CDH18: variants seen among roughly 807,000 people sequenced by gnomAD.
The protein encoded by CDH18 is cadherin-18.
In CDH18, 31 loss-of-function variants were observed where a neutral mutation model predicts 67.9. That is an observed-to-expected ratio of 0.46 (90% CI 0.34 to 0.62). The LOEUF (loss-of-function observed/expected upper bound fraction) is 0.62. Ranked by LOEUF, CDH18 falls within the 20% of genes least tolerant of loss-of-function variation. The probability of loss-of-function intolerance (pLI) is 0.01; values close to 1 mark genes in which losing one functional copy is unlikely to be tolerated. For synonymous variants in CDH18, 362 were observed against 347.2 expected (o/e 1.04, Z -0.48); for missense variants, 890 against 975.5 (o/e 0.91, Z 1.17).
chr5:19,649,790 T>C (rs1315466357), intron 5 of CDH18, among the ~76,000 whole-genome samples: 1 of 152,008 alleles, frequency 6.6e-6, no homozygotes, highest in Non-Finnish European at 1.5e-5. Context: ...TACCTTTTTT[T>C]TCCTAAAACT....
chr5:20,147,325 C>T (rs972789264), intron 2 of CDH18, among the ~76,000 whole-genome samples: 2 of 152,048 alleles, frequency 1.3e-5, no homozygotes, highest in African/African-American at 4.8e-5. Context: ...AATGTTTACA[C>T]CAAGGCTTTG....
At chr5:20,438,278 G>T (rs773735840) in intron 1 of CDH18, among the ~76,000 whole-genome samples, 2 of 150,530 alleles carry the variant, frequency 1.3e-5, no homozygotes, top group South Asian at 4.2e-4. Flanking sequence ...TCCTATTTGT[G>T]TGTGTGTTTG....
chr5:19,725,828 AGGCACATAGAGATTAC>A (rs1334773504), intron 4 of CDH18, among the ~76,000 whole-genome samples: 14 of 152,320 alleles, frequency 9.2e-5, no homozygotes, highest in African/African-American at 3.4e-4. Context: ...TAACAGTTCT[AGGCACATAGAGATTAC>A]TGGGATTCGG....
At chr5:20,235,564 A>G (rs1742412745) in intron 2 of CDH18, among the ~76,000 whole-genome samples, 1 of 152,168 alleles carries the variant, frequency 6.6e-6, no homozygotes. Flanking sequence ...GCAAATCAAA[A>G]CCACAATGAT....
intron 1 of CDH18, among the ~76,000 whole-genome samples, chr5:20,520,954 G>A (rs372829616): frequency 2.0e-5 from 3 of 152,178 alleles, no homozygotes; most frequent in African/African-American, 7.2e-5. Context: ...TCAGCTAAAA[G>A]GTGAGCAGTA....
Position 19,471,682 on chromosome 5 carries a change from GA to G in CDH18, c.*1543del, listed in dbSNP as rs369711860. Among the ~76,000 whole-genome samples, 4,693 of 148,300 alleles carry G rather than the reference GA, an allele frequency of 0.032. 235 individuals are homozygous for G. The highest frequency in any genetic ancestry group is 0.11 in the African/African-American group (4,483 of 40,498). The stretch of plus-strand genomic sequence containing the variant: ...AACAAAACATTATCTAAAACAATTT[GA>G]AAAAAAAAGCCCCACCCAAATTCTC... On this transcript the variant is annotated 3_prime_UTR_variant, in exon 13 of 13. Transcript: ENST00000382275.
intron 1 of CDH18, among the ~76,000 whole-genome samples, chr5:20,555,787 C>T (rs1222742118): frequency 1.3e-5 from 2 of 151,246 alleles, no homozygotes; most frequent in Admixed American, 1.3e-4. Flanking sequence ...TTTAAATGTA[C>T]CTCTGCTTTT....
At chr5:19,941,805 A>G (rs1024894248) in intron 2 of CDH18, among the ~76,000 whole-genome samples, 4 of 152,014 alleles carry the variant, frequency 2.6e-5, no homozygotes, top group Non-Finnish European at 1.5e-5. Context: ...AACAAAAAAC[A>G]AAAAACAATC....
At chr5:20,316,304 G>GA (rs993959259) in intron 1 of CDH18, among the ~76,000 whole-genome samples, 64 of 152,062 alleles carry the variant, frequency 4.2e-4, no homozygotes, top group African/African-American at 1.5e-3. Context: ...CTAAAAACCA[G>GA]AAAAATGATG....
intron 5 of CDH18, among the ~76,000 whole-genome samples, chr5:19,661,728 G>A (rs575846384): frequency 4.6e-5 from 7 of 152,196 alleles, no homozygotes; most frequent in Non-Finnish European, 1.0e-4. Context: ...ATATTTTGGA[G>A]ATGAGAAAAA....
At chr5:20,113,171 G>A (rs1032719666) in intron 2 of CDH18, among the ~76,000 whole-genome samples, 2 of 151,996 alleles carry the variant, frequency 1.3e-5, no homozygotes, top group East Asian at 3.9e-4. Flanking sequence ...TTCATTCTGG[G>A]AAATACTGAG....
chr5:20,346,318 T>C (rs1740695499), intron 1 of CDH18, among the ~76,000 whole-genome samples: 1 of 152,180 alleles, frequency 6.6e-6, no homozygotes, highest in African/African-American at 2.4e-5. Flanking sequence ...TATTAAAACT[T>C]ATCAGAACAA....
At chr5:20,160,504 T>C (rs1196523946) in intron 2 of CDH18, among the ~76,000 whole-genome samples, 2 of 152,230 alleles carry the variant, frequency 1.3e-5, no homozygotes, top group African/African-American at 4.8e-5. Flanking sequence ...TGTTTTCCTA[T>C]ATAAAATAGT....
intron 2 of CDH18, among the ~76,000 whole-genome samples, chr5:20,216,189 C>G (rs1740755346): frequency 6.6e-6 from 1 of 151,782 alleles, no homozygotes; most frequent in Non-Finnish European, 1.5e-5. Flanking sequence ...ATCATTATAC[C>G]AGATATAATG....
intron 1 of CDH18, among the ~76,000 whole-genome samples, chr5:20,380,503 G>C (rs1043921819): frequency 3.3e-5 from 5 of 152,078 alleles, no homozygotes; most frequent in Non-Finnish European, 7.4e-5. Context: ...CTTAACCACG[G>C]TTTTTAGCAC....
chr5:20,288,444 GAT>G (rs10534377), intron 1 of CDH18, among the ~76,000 whole-genome samples: 11,273 of 147,666 alleles, frequency 0.076, 1,060 homozygotes, highest in African/African-American at 0.22. Context: ...CAAAAAATAC[GAT>G]ATATATATAT....
intron 1 of CDH18, among the ~76,000 whole-genome samples, chr5:20,341,544 C>CATATATAT (rs34518300): frequency 5.1e-4 from 76 of 149,684 alleles, no homozygotes; most frequent in East Asian, 2.0e-3. Context: ...TATTAGAGGG[C>CATATATAT]ATATATATAT....
Position 19,746,234 on chromosome 5 carries a change from G to A in CDH18, c.523+708C>T, listed in dbSNP as rs147538405. ...TGGTGAAAAAGCCCCAGATCATTAG[G>A]GTGGCTCAGGTCCTGGATCATGGTT... On this transcript the variant is annotated intron_variant, in intron 4 of 12. Coordinates refer to ENST00000382275, the MANE Select transcript of CDH18 (RefSeq NM_004934.5). Among the ~76,000 whole-genome samples the A allele has an allele frequency of 9.7e-3, 1,479 of 152,176 alleles. 22 individuals carry two copies. Among genetic ancestry groups the A allele is most frequent in the African/African-American group, 0.034 (1,427 of 41,506 alleles).
At chr5:20,344,697 C>T (rs1361516662) in intron 1 of CDH18, among the ~76,000 whole-genome samples, 3 of 151,984 alleles carry the variant, frequency 2.0e-5, no homozygotes, top group African/African-American at 7.2e-5. Context: ...AACTCATTTC[C>T]CTCAGGTCAC....
Sources: allele counts gnomAD v4.1 joint callset (sites outside exome capture counted in the v4.1 genomes callset), GRCh38; gene constraint gnomAD v4.1.1; transcripts MANE v1.5; gene names NCBI Gene and HGNC (gene_info 2026-07-23, HGNC 2026-07-21).